PMEPA1: variants seen among roughly 807,000 people sequenced by gnomAD.
PMEPA1 encodes the protein protein TMEPAI.
In PMEPA1, 11 loss-of-function variants were observed where a neutral mutation model predicts 23.0. That is an observed-to-expected ratio of 0.48 (90% CI 0.30 to 0.79). The LOEUF (loss-of-function observed/expected upper bound fraction) is 0.79. PMEPA1 is among the 30% of genes least tolerant of loss of function. The pLI is 0.06. For synonymous variants in PMEPA1, 204 were observed against 166.4 expected, an observed-to-expected ratio of 1.23 and a Z score of -1.74; for missense variants, 377 against 390.9, an observed-to-expected ratio of 0.96 and a Z score of 0.30.
intron 1 of PMEPA1, among the ~76,000 whole-genome samples, chr20:57,671,592 T>C (rs755621149): frequency 2.0e-5 from 3 of 152,162 alleles, no homozygotes; most frequent in Non-Finnish European, 2.9e-5. Context: ...ATATATATAT[T>C]GCATGGGGTG....
intron 1 of PMEPA1, among the ~76,000 whole-genome samples, chr20:57,664,193 G>C (rs1236766181): frequency 6.6e-6 from 1 of 152,198 alleles, no homozygotes; most frequent in Admixed American, 6.5e-5. Context: ...GCAGGGCTGT[G>C]GGCAGCCACC....
At chr20:57,664,254 C>G (rs541258186) in intron 1 of PMEPA1, among the ~76,000 whole-genome samples, 2 of 152,326 alleles carry the variant, frequency 1.3e-5, no homozygotes, top group African/African-American at 4.8e-5. Context: ...CAGCCACGCC[C>G]TGACACTGTC....
chr20:57,672,413 C>A (rs1427015825), intron 1 of PMEPA1, among the ~76,000 whole-genome samples: 1 of 152,266 alleles, frequency 6.6e-6, no homozygotes, highest in Non-Finnish European at 1.5e-5. Context: ...GGCTCCGTTT[C>A]CAAGGCTCTT....
At chr20:57,659,793 G>A (rs561139351) in intron 1 of PMEPA1, 96 bp from the exon 2 acceptor site, 4 of 1,162,384 alleles carry the variant, frequency 3.4e-6, no homozygotes, top group Non-Finnish European at 3.6e-6. Context: ...CACCTAGGGG[G>A]ACGAGAGTGC....
At chr20:57,706,582 C>G (rs746022518) in intron 1 of PMEPA1, among the ~76,000 whole-genome samples, 9 of 152,152 alleles carry the variant, frequency 5.9e-5, no homozygotes, top group Non-Finnish European at 1.0e-4. Context: ...TACAGTCAAG[C>G]CCACTCCATT....
chr20:57,658,639 A>C (rs1465992105), intron 2 of PMEPA1, among the ~76,000 whole-genome samples: 1 of 152,150 alleles, frequency 6.6e-6, no homozygotes, highest in Non-Finnish European at 1.5e-5. Context: ...CATTTTACAA[A>C]TGGGGGATCT....
chr20:57,700,128 G>A, intron 1 of PMEPA1: 1 of 471,556 alleles, frequency 2.1e-6, no homozygotes, highest in Non-Finnish European at 4.4e-6. Flanking sequence ...TTAAGGACCA[G>A]CAGAGACTCT....
chr20:57,682,080 T>C lies in PMEPA1; in HGVS notation c.110-22383A>G, dbSNP rs573545116. 7.2e-5 allele frequency among the ~76,000 whole-genome samples: 11 copies of C among 152,344 alleles called. No homozygotes were observed. The highest frequency in any genetic ancestry group is 2.6e-4 in the African/African-American group (11 of 41,576). On this transcript the variant is annotated intron_variant, in intron 1 of 3. Transcript: ENST00000341744. The surrounding 1 kb of genome is among the most constrained non-coding windows in gnomAD (Gnocchi z 4.4). Reference sequence around the variant, plus strand: ...TGAGGGCAGGCTCAGGCCTGTTCCATTCACCAGGTCCTCCCATCTCCAGTG... The same window carrying C: ...TGAGGGCAGGCTCAGGCCTGTTCCACTCACCAGGTCCTCCCATCTCCAGTG...
At chr20:57,699,915 G>A (rs1320383632) in intron 1 of PMEPA1, 4 of 407,740 alleles carry the variant, frequency 9.8e-6, no homozygotes, top group Admixed American at 8.1e-5. Context: ...CGGTTGGAAC[G>A]CACATGTTTC....
intron 1 of PMEPA1, among the ~76,000 whole-genome samples, chr20:57,660,104 G>A (rs906509232): frequency 1.3e-5 from 2 of 152,176 alleles, no homozygotes; most frequent in Non-Finnish European, 2.9e-5. Flanking sequence ...GGCTCCTGTC[G>A]CTGGGCAAAG....
At chr20:57,689,959 G>A (rs920276645) in intron 1 of PMEPA1, among the ~76,000 whole-genome samples, 21 of 152,240 alleles carry the variant, frequency 1.4e-4, no homozygotes, top group East Asian at 1.9e-4. Context: ...GGCAGCAGCC[G>A]AGGTCCATGG....
At chr20:57,677,497 T>C (rs1207562100) in intron 1 of PMEPA1, among the ~76,000 whole-genome samples, 1 of 152,178 alleles carries the variant, frequency 6.6e-6, no homozygotes, top group Non-Finnish European at 1.5e-5. Context: ...ACACAAGAAG[T>C]GGCCCTCGAT....
At chr20:57,710,361 G>T, upstream of PMEPA1, 2 of 1,284,150 alleles carry the variant, frequency 1.6e-6, no homozygotes, top group Non-Finnish European at 2.1e-6. Flanking sequence ...CTTGACCCAG[G>T]CTCTTGGGGC....
chr20:57,658,884 G>A lies in PMEPA1; in HGVS notation c.264+659C>T, dbSNP rs898628944. 3.9e-5 allele frequency among the ~76,000 whole-genome samples: 6 copies of A among 152,172 alleles called. No homozygotes were observed. The East Asian group carries it at 1.2e-3, about 29-fold the overall frequency. On this transcript the variant is annotated intron_variant, in intron 2 of 3. Transcript: ENST00000341744. ...CAGGCACCTTTCCCACCACTACCCC[G>A]GTGGGTAAGAGCCAAATGCCGGCCC... is the stretch of plus-strand genomic sequence containing the variant.
rs2072045327 is a variant in PMEPA1, at chr20:57,704,018, C to CACT, written c.109+5453_109+5455dup. Among the ~76,000 whole-genome samples the CACT allele has an allele frequency of 6.6e-6, 1 of 152,190 alleles. No individual in the cohort carries two copies. Among genetic ancestry groups the CACT allele is most frequent in the Non-Finnish European group, 1.5e-5 (1 of 68,034 alleles). Reference sequence around the variant, plus strand: ...CCTCCATCCCTCTGGCCCTCGGTCTCACTCCTAACCCACCCACAGCAGGGC... The same window carrying CACT: ...CCTCCATCCCTCTGGCCCTCGGTCTCACTACTCCTAACCCACCCACAGCAGGGC... On this transcript the variant is annotated intron_variant, in intron 1 of 3. Transcript: ENST00000341744. The surrounding 1 kb of genome is among the most constrained non-coding windows in gnomAD (Gnocchi z 4.6).
At chr20:57,664,077 G>A (rs932630609) in intron 1 of PMEPA1, among the ~76,000 whole-genome samples, 1 of 152,218 alleles carries the variant, frequency 6.6e-6, no homozygotes, top group Non-Finnish European at 1.5e-5. Flanking sequence ...TCTGGGGAGT[G>A]GACCATGCAG....
chr20:57,670,642 G>A (rs1294117077), intron 1 of PMEPA1, among the ~76,000 whole-genome samples: 1 of 152,164 alleles, frequency 6.6e-6, no homozygotes, highest in Non-Finnish European at 1.5e-5. Context: ...GTCTGAGCCT[G>A]TCAGGCTGGG....
intron 1 of PMEPA1, among the ~76,000 whole-genome samples, chr20:57,676,879 C>T (rs553284252): frequency 2.0e-5 from 3 of 152,198 alleles, no homozygotes; most frequent in African/African-American, 7.2e-5. Context: ...TGCAAACACA[C>T]CCCCCGTCTA....
chr20:57,681,878 G>A (rs945585907), intron 1 of PMEPA1, among the ~76,000 whole-genome samples: 3 of 152,062 alleles, frequency 2.0e-5, no homozygotes, highest in Non-Finnish European at 2.9e-5. Flanking sequence ...CTCCCCCCAA[G>A]GTCTTCCCAC....
Sources: gnomAD v4.1 joint callset for allele counts (sites outside exome capture counted in the v4.1 genomes callset) on GRCh38, gnomAD v4.1.1 for gene constraint, Gnocchi (gnomAD v3.1) non-coding constraint, MANE v1.5 for transcripts, NCBI Gene and HGNC (gene_info 2026-07-23, HGNC 2026-07-21) for gene names.